HYCC2: variants seen among roughly 807,000 people sequenced by gnomAD.
HYCC2 encodes hyccin 2.
the HYCC2 span, among the ~76,000 whole-genome samples, chr2:201,054,391 T>C: frequency 3.3e-5 from 5 of 152,218 alleles, no homozygotes; most frequent in Admixed American, 2.6e-4. Context: ...TTGGAAATCA[T>C]GAAATGTGGG....
At chr2:201,038,219 C>T in the HYCC2 span, among the ~76,000 whole-genome samples, 4 of 152,082 alleles carry the variant, frequency 2.6e-5, no homozygotes, top group Admixed American at 1.3e-4. Flanking sequence ...GTTAGAATGG[C>T]GATCATTACA....
At chr2:201,014,681 T>C in the HYCC2 span, among the ~76,000 whole-genome samples, 1 of 152,206 alleles carries the variant, frequency 6.6e-6, no homozygotes, top group Non-Finnish European at 1.5e-5. Context: ...TTGCTAATGA[T>C]TTTTTAAAGT....
chr2:200,983,823 G>A, the HYCC2 span, among the ~76,000 whole-genome samples: 2 of 152,148 alleles, frequency 1.3e-5, no homozygotes, highest in African/African-American at 4.8e-5. Context: ...AGGAGACTGA[G>A]AGACTTAGTG....
chr2:201,018,199 A>C, the HYCC2 span, among the ~76,000 whole-genome samples: 1 of 152,204 alleles, frequency 6.6e-6, no homozygotes, highest in Non-Finnish European at 1.5e-5. Flanking sequence ...CAGTTAAAAT[A>C]AACTTTCCCA....
the HYCC2 span, among the ~76,000 whole-genome samples, chr2:201,016,602 A>ATTT: frequency 2.1e-5 from 3 of 140,066 alleles, no homozygotes; most frequent in East Asian, 2.1e-4. Flanking sequence ...ATTATTTTTA[A>ATTT]TTTTTTTTTT....
the HYCC2 span, chr2:201,008,834 G>T: frequency 1.7e-6 from 1 of 592,860 alleles, no homozygotes; most frequent in Non-Finnish European, 3.1e-6. Context: ...GGAGGTCAAG[G>T]CTGCAGTGAG....
chr2:200,992,248 T>G, the HYCC2 span: 1 of 1,264,552 alleles, frequency 7.9e-7, no homozygotes, highest in Non-Finnish European at 1.2e-6. Context: ...TAGGTACCAG[T>G]ATATTTAATA....
the HYCC2 span, chr2:200,981,594 T>G: frequency 3.1e-6 from 5 of 1,613,608 alleles, no homozygotes; most frequent in Admixed American, 1.7e-5. The surrounding 1 kb of genome is among the most constrained non-coding windows in gnomAD (Gnocchi z 4.5). Context: ...TCTTCATTGG[T>G]GTCAGCTCAA....
chr2:201,032,969 T>C, the HYCC2 span, among the ~76,000 whole-genome samples: 1 of 152,080 alleles, frequency 6.6e-6, no homozygotes, highest in Non-Finnish European at 1.5e-5. Flanking sequence ...AAGAAGTCTA[T>C]GTTTTAGGAG....
chr2:200,987,249 C>T, the HYCC2 span: 1 of 927,274 alleles, frequency 1.1e-6, no homozygotes, highest in Non-Finnish European at 1.4e-6. Context: ...GCTAATACAC[C>T]CTGGGGTACT....
At chr2:200,981,478 C>G in the HYCC2 span, 1 of 1,614,148 alleles carries the variant, frequency 6.2e-7, no homozygotes, top group East Asian at 2.2e-5. The surrounding 1 kb of genome is among the most constrained non-coding windows in gnomAD (Gnocchi z 4.5). Context: ...TGCTTGACTG[C>G]CATTTACATA....
chr2:201,007,600 C>G, the HYCC2 span, among the ~76,000 whole-genome samples: 75 of 152,262 alleles, frequency 4.9e-4, no homozygotes, highest in East Asian at 9.3e-3. Flanking sequence ...CTGGCCTTTG[C>G]TCCTAGGAAG....
chr2:201,007,727 G>A, the HYCC2 span, among the ~76,000 whole-genome samples: 8 of 152,160 alleles, frequency 5.3e-5, no homozygotes, highest in Non-Finnish European at 5.9e-5. Flanking sequence ...AAGAACTGCC[G>A]TGTGATTTAA....
chr2:201,023,830 T>A, the HYCC2 span: 8 of 653,592 alleles, frequency 1.2e-5, no homozygotes, highest in Non-Finnish European at 2.1e-5. Flanking sequence ...TATTTTGCCA[T>A]TTCCACTTCC....
At chr2:200,986,584 G>A in the HYCC2 span, among the ~76,000 whole-genome samples, 3 of 152,060 alleles carry the variant, frequency 2.0e-5, no homozygotes, top group South Asian at 6.2e-4. Context: ...CGGGGGGGAA[G>A]GGTATTAAAA....
At chr2:200,981,331 G>T in the HYCC2 span, 2 of 1,614,004 alleles carry the variant, frequency 1.2e-6, no homozygotes, top group African/African-American at 1.3e-5. The surrounding 1 kb of genome is among the most constrained non-coding windows in gnomAD (Gnocchi z 4.5). Context: ...GGTCAAGGGG[G>T]CTCCTGGGCT....
the HYCC2 span, among the ~76,000 whole-genome samples, chr2:201,058,957 T>C: frequency 1.3e-5 from 2 of 152,222 alleles, no homozygotes; most frequent in Non-Finnish European, 2.9e-5. Context: ...GTGGAAAGCC[T>C]GAACAGACAA....
At chr2:201,009,329 C>T in the HYCC2 span, 4 of 341,228 alleles carry the variant, frequency 1.2e-5, no homozygotes, top group Non-Finnish European at 2.2e-5. Context: ...TGTAATAAAT[C>T]TATATTTAAG....
chr2:200,995,942 C>T, the HYCC2 span: 1 of 151,868 alleles, frequency 6.6e-6, no homozygotes, highest in Non-Finnish European at 1.5e-5. Context: ...AGGCTGAATT[C>T]AGAATTCCTT....
Sources: allele counts gnomAD v4.1 joint callset (sites outside exome capture counted in the v4.1 genomes callset), GRCh38; gene constraint gnomAD v4.1.1; non-coding constraint Gnocchi (gnomAD v3.1); transcripts MANE v1.5; gene names NCBI Gene and HGNC (gene_info 2026-07-23, HGNC 2026-07-21).